Variants in DCC observed in about 807,000 individuals in gnomAD.
DCC encodes netrin receptor DCC.
In DCC, 58 loss-of-function variants were observed where a neutral mutation model predicts 172.5. That is an observed-to-expected ratio of 0.34 (90% CI 0.27 to 0.42). The LOEUF is 0.42. Ranked by LOEUF, DCC falls within the 10% of genes least tolerant of loss-of-function variation. The probability of loss-of-function intolerance (pLI) is 1.00; values close to 1 mark genes in which losing one functional copy is unlikely to be tolerated. For synonymous variants in DCC, 709 were observed against 644.5 expected (o/e 1.10, Z -1.52); for missense variants, 1,740 against 1,791.0 (o/e 0.97, Z 0.51).
chr18:53,475,930 G>A (rs1372007168), intron 25 of DCC, among the ~76,000 whole-genome samples: 1 of 152,194 alleles, frequency 6.6e-6, no homozygotes, highest in Non-Finnish European at 1.5e-5. Context: ...GGACGGAGAT[G>A]CCCAAGACCA....
intron 2 of DCC, among the ~76,000 whole-genome samples, chr18:52,897,705 T>C (rs2039750984): frequency 7.9e-6 from 1 of 126,092 alleles, no homozygotes; most frequent in Admixed American, 7.5e-5. Flanking sequence ...TTGCTTCTTA[T>C]AAGATCACAT....
In DCC at chr18:53,067,952, G is replaced by T. The variant is rs140732580; in HGVS notation, c.1261+1786G>T. Among the ~76,000 whole-genome samples, 32 of 152,284 alleles carry T rather than the reference G, an allele frequency of 2.1e-4. No homozygotes were observed. In the South Asian group the frequency reaches 6.4e-3, roughly 31 times the overall value. On this transcript the variant is annotated intron_variant, in intron 7 of 28. Coordinates refer to ENST00000442544, the MANE Select transcript of DCC (RefSeq NM_005215.4). ...GCCAGTTAGCTGAAGATTCACAGCA[G>T]TGCTCACAAAGATGACTTTCTCCTA...
chr18:52,475,187 C>T (rs1453847637), intron 1 of DCC, among the ~76,000 whole-genome samples: 1 of 152,116 alleles, frequency 6.6e-6, no homozygotes, highest in African/African-American at 2.4e-5. Context: ...ATAGATAATA[C>T]TTAAGCAACT....
chr18:52,740,735 C>A (rs990688366), intron 1 of DCC, among the ~76,000 whole-genome samples: 6 of 152,212 alleles, frequency 3.9e-5, no homozygotes, highest in African/African-American at 1.4e-4. Context: ...AAAGATTAGA[C>A]TCTCTATTTT....
intron 1 of DCC, among the ~76,000 whole-genome samples, chr18:52,511,280 C>CAAAAACAAAA (rs2031429512): frequency 9.1e-6 from 1 of 110,094 alleles, no homozygotes; most frequent in Non-Finnish European, 1.8e-5. Flanking sequence ...GACTCTGTCT[C>CAAAAACAAAA]AAAAAAAAAA....
intron 1 of DCC, among the ~76,000 whole-genome samples, chr18:52,509,907 A>G (rs1401980045): frequency 6.6e-6 from 1 of 152,150 alleles, no homozygotes; most frequent in Non-Finnish European, 1.5e-5. Flanking sequence ...GTTCGAGACC[A>G]GCCTGGCCAA....
intron 7 of DCC, among the ~76,000 whole-genome samples, chr18:53,141,404 C>T (rs1014330002): frequency 9.9e-5 from 15 of 152,074 alleles, no homozygotes; most frequent in African/African-American, 3.6e-4. Context: ...TTATCATAAT[C>T]GTTAATAGTC....
At position 52,702,022 on chromosome 18, in the gene DCC, G is replaced by C. The variant is rs373167964; in HGVS notation, c.92-50032G>C. On this transcript the variant is annotated intron_variant, in intron 1 of 28. Coordinates refer to ENST00000442544, the MANE Select transcript of DCC (RefSeq NM_005215.4). The stretch of plus-strand genomic sequence containing the variant: ...CTTGTGAATCACATACACCCATTCT[G>C]TATGGTATATAAGCCCTGGGGGGTA... Among the ~76,000 whole-genome samples, 81 of 152,250 alleles carry C rather than the reference G, an allele frequency of 5.3e-4. 1 individual carries two copies. The highest frequency in any genetic ancestry group is 1.9e-3 in the African/African-American group (79 of 41,538).
At chr18:52,937,624 C>T (rs1319420286) in intron 5 of DCC, among the ~76,000 whole-genome samples, 1 of 152,080 alleles carries the variant, frequency 6.6e-6, no homozygotes, top group Non-Finnish European at 1.5e-5. Flanking sequence ...TCTGGGGCTA[C>T]AGGTGCACAC....
At chr18:52,859,963 TAC>T (rs1416475610) in intron 2 of DCC, among the ~76,000 whole-genome samples, 28 of 152,280 alleles carry the variant, frequency 1.8e-4, no homozygotes, top group Non-Finnish European at 2.9e-4. Context: ...AATAAATAAA[TAC>T]ATTATTCCAT....
chr18:53,403,427 A>G (rs1038498079), intron 19 of DCC, among the ~76,000 whole-genome samples: 1 of 152,238 alleles, frequency 6.6e-6, no homozygotes, highest in African/African-American at 2.4e-5. Context: ...AACATAATGA[A>G]TATTTCACAG....
intron 7 of DCC, among the ~76,000 whole-genome samples, chr18:53,079,889 G>A (rs1020691243): frequency 8.5e-5 from 13 of 152,170 alleles, no homozygotes; most frequent in African/African-American, 3.1e-4. Flanking sequence ...CTGTAAGGCT[G>A]TAGAGATATG....
chr18:52,606,169 T>C (rs1005809987), intron 1 of DCC, among the ~76,000 whole-genome samples: 1 of 151,982 alleles, frequency 6.6e-6, no homozygotes, highest in African/African-American at 2.4e-5. Flanking sequence ...GGCTGGAAAA[T>C]ATAGTTAGCT....
intron 2 of DCC, among the ~76,000 whole-genome samples, chr18:52,888,670 T>C (rs2039603963): frequency 6.6e-6 from 1 of 151,962 alleles, no homozygotes; most frequent in South Asian, 2.1e-4. Flanking sequence ...GTCAGTTATT[T>C]AACATAAAAT....
At chr18:53,209,797 A>G (rs2055717708) in intron 11 of DCC, among the ~76,000 whole-genome samples, 2 of 152,358 alleles carry the variant, frequency 1.3e-5, no homozygotes, top group South Asian at 2.1e-4. Flanking sequence ...AATGTTTTAC[A>G]TAATTTATGT....
At chr18:53,244,885 T>C (rs756454510) in intron 12 of DCC, among the ~76,000 whole-genome samples, 3 of 152,156 alleles carry the variant, frequency 2.0e-5, no homozygotes, top group Admixed American at 6.6e-5. Flanking sequence ...TTGCCTATAC[T>C]ATATTAAGTC....
chr18:52,633,740 G>A (rs546159349), intron 1 of DCC, among the ~76,000 whole-genome samples: 104 of 152,324 alleles, frequency 6.8e-4, no homozygotes, highest in African/African-American at 2.4e-3. Flanking sequence ...GAATGGAATA[G>A]CCTCTGACTC....
intron 5 of DCC, among the ~76,000 whole-genome samples, chr18:53,062,888 C>A (rs1352024911): frequency 6.6e-6 from 1 of 152,152 alleles, no homozygotes; most frequent in Non-Finnish European, 1.5e-5. Context: ...AATTACAGGA[C>A]AACTGAGCTT....
chr18:52,528,615 C>T (rs1258611671), intron 1 of DCC, among the ~76,000 whole-genome samples: 1 of 151,976 alleles, frequency 6.6e-6, no homozygotes, highest in Non-Finnish European at 1.5e-5. Flanking sequence ...TATCACATTA[C>T]CCCTCAAGAG....
Sources: gnomAD v4.1 joint callset for allele counts (sites outside exome capture counted in the v4.1 genomes callset) on GRCh38, gnomAD v4.1.1 for gene constraint, MANE v1.5 for transcripts, NCBI Gene and HGNC (gene_info 2026-07-23, HGNC 2026-07-21) for gene names.